WWOX: variants seen among roughly 807,000 people sequenced by gnomAD.
The protein encoded by WWOX is WW domain containing oxidoreductase, also known as WW domain-containing oxidoreductase.
WWOX carries 69 observed loss-of-function variants against 46.2 expected under a neutral mutation model. The ratio of observed to expected loss-of-function variants is 1.49; its 90% CI spans 1.23 to 1.82. WWOX has a LOEUF of 1.82. Among genes scored for constraint, WWOX ranks in the 40% most tolerant of loss-of-function variants. WWOX has a pLI of 0.00. For synonymous variants in WWOX, 359 were observed against 202.6 expected, an observed-to-expected ratio of 1.77 and a Z score of -6.56; for missense variants, 919 against 542.6, an observed-to-expected ratio of 1.69 and a Z score of -6.89.
intron 8 of WWOX, among the ~76,000 whole-genome samples, chr16:78,799,269 T>C (rs767335423): frequency 2.4e-4 from 37 of 151,968 alleles, no homozygotes; most frequent in Non-Finnish European, 2.2e-4. Context: ...TAACGGAGAG[T>C]TCATGGGCAG....
At chr16:78,196,925 A>C (rs940197894) in intron 5 of WWOX, among the ~76,000 whole-genome samples, 1 of 152,262 alleles carries the variant, frequency 6.6e-6, no homozygotes, top group African/African-American at 2.4e-5. Flanking sequence ...AAGTGAAGAC[A>C]AAACATGATT....
intron 8 of WWOX, among the ~76,000 whole-genome samples, chr16:78,797,209 G>T (rs548455476): frequency 3.9e-5 from 6 of 152,024 alleles, no homozygotes; most frequent in Non-Finnish European, 7.4e-5. Flanking sequence ...CATAATCCAT[G>T]AGAGTGGCTT....
chr16:79,042,962 C>A (rs1460200722), intron 8 of WWOX, among the ~76,000 whole-genome samples: 2 of 152,124 alleles, frequency 1.3e-5, no homozygotes, highest in East Asian at 1.9e-4. Flanking sequence ...CATTTCTCAT[C>A]CTTCTTGACT....
intron 8 of WWOX, among the ~76,000 whole-genome samples, chr16:78,478,705 A>C (rs2084414284): frequency 6.6e-6 from 1 of 152,228 alleles, no homozygotes; most frequent in Admixed American, 6.5e-5. Flanking sequence ...CAGGCTCCAA[A>C]GGTGCTTAAT....
At position 79,211,693 on chromosome 16, in the gene WWOX, G is replaced by T. The variant is rs202002431; in HGVS notation, c.1142G>T (p.Arg381Leu). The T allele has an allele frequency of 1.2e-6, 2 of 1,614,208 alleles. No individual in the cohort carries two copies. Among genetic ancestry groups the T allele is most frequent in the Admixed American group, 3.3e-5 (2 of 60,022 alleles). Residue 381 changes from arginine to leucine, a missense_variant, in exon 9 of 9, where the codon CGC becomes CTC. Arg to Leu is a moderately radical substitution (Grantham distance 102, BLOSUM62 -2). Transcript: ENST00000566780. ...GGGATGTACTTCAACAACTGCTGCCGCTGCATGCCCTCACCAGAAGCTCAG... is the reference window on the plus strand; with the variant it reads ...GGGATGTACTTCAACAACTGCTGCCTCTGCATGCCCTCACCAGAAGCTCAG... ...LGGMYFNNCC[R>L]CMPSPEAQSE... is the part of the protein sequence containing the mutation.
intron 4 of WWOX, among the ~76,000 whole-genome samples, chr16:78,138,991 C>A (rs1292501664): frequency 1.3e-5 from 2 of 152,162 alleles, no homozygotes. Flanking sequence ...GTGGTTGAAA[C>A]CTTCATGGTT....
intron 8 of WWOX, among the ~76,000 whole-genome samples, chr16:79,154,139 C>T (rs1005809498): frequency 1.3e-5 from 2 of 152,172 alleles, no homozygotes; most frequent in South Asian, 2.1e-4. Context: ...AATGTCAGAG[C>T]CCTAAATGGT....
At position 78,673,037 on chromosome 16, in the gene WWOX, G is replaced by A. The variant is rs114398150; in HGVS notation, c.1056+240285G>A. Among the ~76,000 whole-genome samples the A allele has an allele frequency of 3.3e-3, 500 of 152,320 alleles. 1 individual carries two copies. Among genetic ancestry groups the A allele is most frequent in the African/African-American group, 0.012 (480 of 41,570 alleles). On this transcript the variant is annotated intron_variant, in intron 8 of 8. Coordinates refer to ENST00000566780, the MANE Select transcript of WWOX (RefSeq NM_016373.4). ...AAGTAGCTTTGAAACCCGTCAATGGGGTGAAGGGGGAATGGCCTGAGAAAG... is the reference window on the plus strand; with the variant it reads ...AAGTAGCTTTGAAACCCGTCAATGGAGTGAAGGGGGAATGGCCTGAGAAAG...
intron 8 of WWOX, among the ~76,000 whole-genome samples, chr16:78,773,610 T>C (rs2050119533): frequency 6.6e-6 from 1 of 152,166 alleles, no homozygotes; most frequent in African/African-American, 2.4e-5. Flanking sequence ...AATGAGAAGT[T>C]ATAATAGAGT....
At chr16:78,804,693 T>C (rs550903512) in intron 8 of WWOX, among the ~76,000 whole-genome samples, 3 of 152,374 alleles carry the variant, frequency 2.0e-5, no homozygotes, top group African/African-American at 7.2e-5. Flanking sequence ...TTTCTGTTTT[T>C]TTTCTAATTT....
chr16:78,382,812 G>A (rs1346648140), intron 5 of WWOX, among the ~76,000 whole-genome samples: 2 of 152,030 alleles, frequency 1.3e-5, no homozygotes, highest in Admixed American at 6.5e-5. Flanking sequence ...CAAAGGTACA[G>A]CAAAGAAAAT....
intron 8 of WWOX, among the ~76,000 whole-genome samples, chr16:78,912,516 C>T (rs983337005): frequency 6.6e-6 from 1 of 151,932 alleles, no homozygotes; most frequent in Admixed American, 6.6e-5. Context: ...TCAAGAAATG[C>T]CAGCTCCTCC....
At chr16:78,146,747 C>A in intron 4 of WWOX, among the ~76,000 whole-genome samples, 1 of 152,152 alleles carries the variant, frequency 6.6e-6, no homozygotes, top group East Asian at 1.9e-4. Context: ...ATTGTATGCC[C>A]TGTGGGAACC....
chr16:79,212,453 A>C lies in WWOX; in HGVS notation c.*657A>C. On this transcript the variant is annotated 3_prime_UTR_variant, in exon 9 of 9. Transcript: ENST00000566780. ...AAAAAATTCTTTAGAGATTATAACA[A>C]ATTTTTCAAATCATTCCTTAGATAC... 1 of 254,010 alleles carries C rather than the reference A, an allele frequency of 3.9e-6. No homozygotes were observed. The allele number at this position is 254,010 out of a possible 1,614,324, so 15.7% of individuals were successfully genotyped here.
chr16:78,806,455 G>A (rs992402199), intron 8 of WWOX, among the ~76,000 whole-genome samples: 4 of 152,182 alleles, frequency 2.6e-5, no homozygotes, highest in Non-Finnish European at 4.4e-5. Flanking sequence ...CTCTGCTCCA[G>A]CATCAGCTGA....
intron 8 of WWOX, among the ~76,000 whole-genome samples, chr16:78,486,732 C>T (rs1418267769): frequency 6.6e-6 from 1 of 152,172 alleles, no homozygotes; most frequent in African/African-American, 2.4e-5. Context: ...TGCCACCATG[C>T]CCAGCTGATT....
At chr16:78,463,125 C>A (rs540108407) in intron 8 of WWOX, among the ~76,000 whole-genome samples, 1 of 152,134 alleles carries the variant, frequency 6.6e-6, no homozygotes, top group Non-Finnish European at 1.5e-5. Flanking sequence ...TTCTGTGTTA[C>A]TGTAGGAGAT....
chr16:79,125,262 G>A (rs188233461), intron 8 of WWOX, among the ~76,000 whole-genome samples: 2 of 152,104 alleles, frequency 1.3e-5, no homozygotes, highest in African/African-American at 2.4e-5. Flanking sequence ...CCAGAGTACT[G>A]TTGATTGTAT....
intron 6 of WWOX, among the ~76,000 whole-genome samples, chr16:78,407,740 C>G (rs972120134): frequency 1.3e-5 from 2 of 152,160 alleles, no homozygotes; most frequent in Non-Finnish European, 2.9e-5. Flanking sequence ...CATGGCTATT[C>G]AACGTCCTGT....
Sources: allele counts gnomAD v4.1 joint callset (sites outside exome capture counted in the v4.1 genomes callset), GRCh38; gene constraint gnomAD v4.1.1; transcripts MANE v1.5; gene names NCBI Gene and HGNC (gene_info 2026-07-23, HGNC 2026-07-21).